The following RYR2 variants were observed in gnomAD, a reference collection of about 807,000 sequenced individuals.
RYR2 encodes the protein cardiac muscle ryanodine receptor-calcium release channel.
RYR2 carries 227 observed loss-of-function variants against 601.1 expected under a neutral mutation model. The ratio of observed to expected loss-of-function variants is 0.38; its 90% CI spans 0.34 to 0.42. The LOEUF (loss-of-function observed/expected upper bound fraction) is 0.42, where lower values mean the gene tolerates loss of function less well. Ranked by LOEUF, RYR2 falls within the 10% of genes least tolerant of loss-of-function variation. RYR2 has a pLI of 1.00. For missense variants in RYR2, 4,646 were observed against 6,156.5 expected (o/e 0.75, Z 8.21); for synonymous variants, 2,223 against 2,175.1 (o/e 1.02, Z -0.61).
At chr1:237,728,704 T>A (rs762425683) in intron 76 of RYR2, among the ~76,000 whole-genome samples, 1 of 150,836 alleles carries the variant, frequency 6.6e-6, no homozygotes, top group Admixed American at 6.6e-5. Context: ...AAATACCACA[T>A]GTTCTCACTC....
At chr1:237,469,245 G>A (rs959979644) in intron 17 of RYR2, 58 bp downstream of exon 17, 33 of 294,032 alleles carry the variant, frequency 1.1e-4, no homozygotes, top group South Asian at 6.5e-4. Flanking sequence ...TCTTTGCTTC[G>A]TATCCTTTAA....
intron 1 of RYR2, among the ~76,000 whole-genome samples, chr1:237,214,801 T>C (rs1195264612): frequency 6.6e-6 from 1 of 152,244 alleles, no homozygotes; most frequent in Non-Finnish European, 1.5e-5. Flanking sequence ...TATTCTTCCT[T>C]ATGAACTTTA....
In RYR2 at chr1:237,093,236, G is replaced by A. The variant is rs544246179; in HGVS notation, c.48+50667G>A. On this transcript the variant is annotated intron_variant, in intron 1 of 104. Transcript: ENST00000366574. ...ATCCAAGTAGAGGGAATAACAAGCCGAGAACCTGATGGGAGGCTCCCTGAA... is the reference window on the plus strand; with the variant it reads ...ATCCAAGTAGAGGGAATAACAAGCCAAGAACCTGATGGGAGGCTCCCTGAA... Among the ~76,000 whole-genome samples, 16 of 152,280 alleles carry A rather than the reference G, an allele frequency of 1.1e-4. No homozygotes were observed. The South Asian group carries it at 1.9e-3, about 18-fold the overall frequency.
At chr1:237,408,109 T>C (rs1386872244) in intron 10 of RYR2, among the ~76,000 whole-genome samples, 1 of 152,148 alleles carries the variant, frequency 6.6e-6, no homozygotes, top group African/African-American at 2.4e-5. Context: ...AATTGTGCTC[T>C]TGATATCTAA....
At chr1:237,778,134 A>G (rs191224233) in intron 87 of RYR2, among the ~76,000 whole-genome samples, 1,621 of 152,278 alleles carry the variant, frequency 0.011, 18 homozygotes, top group Middle Eastern at 0.02. Flanking sequence ...ATAAGCAAGT[A>G]TTACTCTTTT....
At chr1:237,640,391 G>T (rs372166356) in intron 46 of RYR2, among the ~76,000 whole-genome samples, 1 of 152,202 alleles carries the variant, frequency 6.6e-6, no homozygotes, top group Non-Finnish European at 1.5e-5. Flanking sequence ...TTTGGCAGGG[G>T]TTGCAGGAGG....
At chr1:237,704,072 C>T (rs74567781) in intron 66 of RYR2, among the ~76,000 whole-genome samples, 9 of 152,152 alleles carry the variant, frequency 5.9e-5, no homozygotes, top group East Asian at 1.9e-4. Context: ...TTTTAGAAGG[C>T]GACTTTTGAA....
Position 237,639,420 on chromosome 1 carries a change from A to G in RYR2, c.7115+219A>G, listed in dbSNP as rs572331652. Among the ~76,000 whole-genome samples the G allele has an allele frequency of 2.3e-4, 34 of 151,082 alleles. 1 individual carries two copies. Among genetic ancestry groups the G allele is most frequent in the Admixed American group, 1.8e-3 (28 of 15,222 alleles). On this transcript the variant is annotated intron_variant, in intron 46 of 104. Transcript: ENST00000366574. Reference sequence around the variant, plus strand: ...CTGAAGAAGATGGTGTAGATTTAGCAGAGGGAAATTTAGGTTGTAGAAGAT... The same window carrying G: ...CTGAAGAAGATGGTGTAGATTTAGCGGAGGGAAATTTAGGTTGTAGAAGAT...
chr1:237,524,174 A>G (rs1194000196), intron 24 of RYR2, among the ~76,000 whole-genome samples: 2 of 152,252 alleles, frequency 1.3e-5, no homozygotes, highest in African/African-American at 4.8e-5. Flanking sequence ...TCATCAACTA[A>G]GGAATAGATA....
At chr1:237,735,427 A>T (rs1287200112) in intron 79 of RYR2, among the ~76,000 whole-genome samples, 3 of 152,190 alleles carry the variant, frequency 2.0e-5, no homozygotes, top group African/African-American at 7.2e-5. Context: ...CCATCTAAGC[A>T]CACATATATT....
intron 14 of RYR2, among the ~76,000 whole-genome samples, chr1:237,447,902 T>C (rs1027443933): frequency 1.3e-5 from 2 of 149,698 alleles, no homozygotes; most frequent in Non-Finnish European, 3.0e-5. Context: ...TTTCTGTCTT[T>C]TCTTCTTTCC....
intron 1 of RYR2, among the ~76,000 whole-genome samples, chr1:237,233,729 A>C (rs549012987): frequency 8.3e-4 from 126 of 152,228 alleles, no homozygotes; most frequent in African/African-American, 3.0e-3. Flanking sequence ...ATCTCAGCTC[A>C]CTGCAATCTC....
intron 91 of RYR2, among the ~76,000 whole-genome samples, chr1:237,787,186 T>A (rs1381416504): frequency 6.6e-6 from 1 of 152,112 alleles, no homozygotes; most frequent in Non-Finnish European, 1.5e-5. Flanking sequence ...TTAATAAAAT[T>A]AATTACAATT....
At chr1:237,532,783 TATTTC>T (rs1368862570) in intron 25 of RYR2, among the ~76,000 whole-genome samples, 1 of 152,162 alleles carries the variant, frequency 6.6e-6, no homozygotes. Flanking sequence ...CAATTCAACT[TATTTC>T]ATGTATAGAT....
intron 1 of RYR2, among the ~76,000 whole-genome samples, chr1:237,045,198 C>G (rs184356211): frequency 4.6e-5 from 7 of 152,200 alleles, no homozygotes; most frequent in African/African-American, 1.7e-4. Flanking sequence ...TATTCAGCAC[C>G]CCAGCACATT....
chr1:237,159,518 C>G (rs1305879970), intron 1 of RYR2, among the ~76,000 whole-genome samples: 2 of 151,882 alleles, frequency 1.3e-5, no homozygotes, highest in African/African-American at 4.8e-5. Flanking sequence ...TTCAATTCCT[C>G]ACATACTTAC....
At chr1:237,220,804 C>T (rs368100266) in intron 1 of RYR2, among the ~76,000 whole-genome samples, 37 of 152,222 alleles carry the variant, frequency 2.4e-4, no homozygotes, top group African/African-American at 8.7e-4. Flanking sequence ...TCGAAGGAGT[C>T]CAGTATGTCA....
chr1:237,568,932 C>T (rs964001531), intron 28 of RYR2, among the ~76,000 whole-genome samples: 1 of 152,152 alleles, frequency 6.6e-6, no homozygotes, highest in East Asian at 1.9e-4. Context: ...TCCCAAGATT[C>T]GATAATATAC....
intron 1 of RYR2, among the ~76,000 whole-genome samples, chr1:237,186,007 C>T (rs1433349070): frequency 3.3e-5 from 5 of 152,196 alleles, no homozygotes; most frequent in South Asian, 2.1e-4. Context: ...GGTCTTAGGC[C>T]CCTGCTTTCT....
Sources: allele counts gnomAD v4.1 joint callset (sites outside exome capture counted in the v4.1 genomes callset), GRCh38; gene constraint gnomAD v4.1.1; transcripts MANE v1.5; gene names NCBI Gene and HGNC (gene_info 2026-07-23, HGNC 2026-07-21).